JARID2: variants seen among roughly 807,000 people sequenced by gnomAD.
The protein encoded by JARID2 is protein Jumonji.
JARID2 carries 21 observed loss-of-function variants against 125.6 expected under a neutral mutation model. The ratio of observed to expected loss-of-function variants is 0.17; its 90% CI spans 0.12 to 0.24. The LOEUF (loss-of-function observed/expected upper bound fraction) is 0.24, where lower values mean the gene tolerates loss of function less well. Ranked by LOEUF, JARID2 falls within the 10% of genes least tolerant of loss-of-function variation. The pLI is 1.00. For synonymous variants in JARID2, 736 were observed against 661.6 expected, an observed-to-expected ratio of 1.11 and a Z score of -1.73; for missense variants, 1,303 against 1,639.6, an observed-to-expected ratio of 0.79 and a Z score of 3.55.
intron 8 of JARID2, among the ~76,000 whole-genome samples, chr6:15,501,868 C>T (rs1770754212): frequency 6.6e-6 from 1 of 152,186 alleles, no homozygotes; most frequent in African/African-American, 2.4e-5. Context: ...CTGCATGCTT[C>T]GTTTCCCCTG....
At chr6:15,474,845 C>T (rs1259420404) in intron 5 of JARID2, among the ~76,000 whole-genome samples, 1 of 152,206 alleles carries the variant, frequency 6.6e-6, no homozygotes, top group East Asian at 1.9e-4. Flanking sequence ...TGTCTTCAAC[C>T]CCATTTACAT....
intron 1 of JARID2, among the ~76,000 whole-genome samples, chr6:15,260,636 A>G (rs1019473300): frequency 2.0e-5 from 3 of 152,194 alleles, no homozygotes; most frequent in Admixed American, 1.3e-4. Context: ...GCAAAGCTTC[A>G]TGTTCAATGG....
At chr6:15,280,211 A>G (rs1760697613) in intron 1 of JARID2, among the ~76,000 whole-genome samples, 1 of 152,216 alleles carries the variant, frequency 6.6e-6, no homozygotes, top group Non-Finnish European at 1.5e-5. Context: ...AATAAAAAAA[A>G]ACTTCAGTGA....
At chr6:15,402,031 C>G (rs898725831) in intron 2 of JARID2, among the ~76,000 whole-genome samples, 1 of 151,872 alleles carries the variant, frequency 6.6e-6, no homozygotes, top group Non-Finnish European at 1.5e-5. Flanking sequence ...GAACTACTGT[C>G]CCTCCTAGTC....
At chr6:15,515,057 T>G (rs1398502597) in intron 16 of JARID2, among the ~76,000 whole-genome samples, 2 of 151,848 alleles carry the variant, frequency 1.3e-5, no homozygotes, top group Non-Finnish European at 2.9e-5. Flanking sequence ...CTTTTTTTTT[T>G]TTGTTTGTTT....
At chr6:15,267,282 T>C (rs1228492481) in intron 1 of JARID2, among the ~76,000 whole-genome samples, 5 of 152,170 alleles carry the variant, frequency 3.3e-5, no homozygotes, top group African/African-American at 1.2e-4. Context: ...AAGCGGCTTA[T>C]CAGTATCTGA....
At chr6:15,300,682 G>GTT (rs1218332107) in intron 1 of JARID2, among the ~76,000 whole-genome samples, 1 of 110,226 alleles carries the variant, frequency 9.1e-6, no homozygotes. Context: ...GTGTCCTCAT[G>GTT]TTGTGTGTGT....
At chr6:15,274,483 A>AAATGTGTG (rs1395762977) in intron 1 of JARID2, among the ~76,000 whole-genome samples, 9 of 152,190 alleles carry the variant, frequency 5.9e-5, no homozygotes, top group Admixed American at 5.9e-4. Context: ...GTAAAAGAGG[A>AAATGTGTG]AATGTGTGGG....
intron 2 of JARID2, among the ~76,000 whole-genome samples, chr6:15,374,783 TC>T (rs1764291885): frequency 6.6e-6 from 1 of 152,244 alleles, no homozygotes; most frequent in Non-Finnish European, 1.5e-5. Flanking sequence ...AGAAACTTGT[TC>T]CTATATGAGT....
At chr6:15,423,952 G>T (rs1468603603) in intron 3 of JARID2, among the ~76,000 whole-genome samples, 1 of 152,056 alleles carries the variant, frequency 6.6e-6, no homozygotes, top group Non-Finnish European at 1.5e-5. Context: ...CTCCCGGAGG[G>T]TCTTTTTGTT....
chr6:15,350,225 A>G (rs563170031), intron 1 of JARID2, among the ~76,000 whole-genome samples: 128 of 152,278 alleles, frequency 8.4e-4, no homozygotes, highest in Non-Finnish European at 1.5e-3. Flanking sequence ...TCTAAGGGTG[A>G]AGTCACAGAA....
chr6:15,299,312 A>G (rs1761522588), intron 1 of JARID2, among the ~76,000 whole-genome samples: 1 of 152,136 alleles, frequency 6.6e-6, no homozygotes, highest in Non-Finnish European at 1.5e-5. Flanking sequence ...TGTAATCTTC[A>G]TTGGGTTCTC....
At chr6:15,447,297 A>C (rs1299496457) in intron 3 of JARID2, among the ~76,000 whole-genome samples, 1 of 152,158 alleles carries the variant, frequency 6.6e-6, no homozygotes, top group African/African-American at 2.4e-5. Context: ...GCTTGATTTA[A>C]TTGGTTTCAT....
intron 1 of JARID2, among the ~76,000 whole-genome samples, chr6:15,268,849 A>G (rs1760189585): frequency 6.6e-6 from 1 of 152,224 alleles, no homozygotes; most frequent in African/African-American, 2.4e-5. Context: ...AGACTACAGA[A>G]CAAAATAAAA....
intron 1 of JARID2, among the ~76,000 whole-genome samples, chr6:15,356,127 C>T (rs1009257209): frequency 1.3e-5 from 2 of 152,194 alleles, no homozygotes; most frequent in Admixed American, 1.3e-4. Context: ...CAAGGTTCAT[C>T]CACGCTGCCC....
intron 1 of JARID2, among the ~76,000 whole-genome samples, chr6:15,277,220 G>T (rs1057333799): frequency 1.3e-5 from 2 of 152,164 alleles, no homozygotes; most frequent in Admixed American, 1.3e-4. Flanking sequence ...GAAGTAGCAC[G>T]CAGTGTGGGT....
intron 3 of JARID2, among the ~76,000 whole-genome samples, chr6:15,423,861 AC>A (rs1766607871): frequency 6.6e-6 from 1 of 151,956 alleles, no homozygotes; most frequent in South Asian, 2.1e-4. Context: ...AACTGTGAAT[AC>A]CTTTATGGTG....
intron 1 of JARID2, among the ~76,000 whole-genome samples, chr6:15,339,593 T>C (rs1419833795): frequency 7.9e-6 from 1 of 126,742 alleles, no homozygotes; most frequent in East Asian, 2.8e-4. Flanking sequence ...CGGAGTGCAA[T>C]GGTGCGATCT....
chr6:15,502,781 C>G (rs980644294), intron 8 of JARID2, among the ~76,000 whole-genome samples: 1 of 152,198 alleles, frequency 6.6e-6, no homozygotes, highest in Non-Finnish European at 1.5e-5. Context: ...TTATCTGAGT[C>G]TGCTCTCCCA....
Sources: gnomAD v4.1 joint callset for allele counts (sites outside exome capture counted in the v4.1 genomes callset) on GRCh38, gnomAD v4.1.1 for gene constraint, MANE v1.5 for transcripts, NCBI Gene and HGNC (gene_info 2026-07-23, HGNC 2026-07-21) for gene names.